Variants in LCORL observed in about 807,000 individuals in gnomAD.
The protein encoded by LCORL is ligand dependent nuclear receptor corepressor like.
A neutral mutation model predicts 141.8 loss-of-function variants in LCORL; 41 were observed. The observed-to-expected ratio is 0.29, with a 90% CI of 0.23 to 0.38. The LOEUF is 0.38. LCORL is among the 10% of genes least tolerant of loss of function. LCORL has a pLI of 1.00. For synonymous variants in LCORL, 618 were observed against 694.1 expected (o/e 0.89, Z 1.72); for missense variants, 1,759 against 2,035.0 (o/e 0.86, Z 2.61).
At chr4:17,892,342 G>A (rs757183981) in intron 5 of LCORL, among the ~76,000 whole-genome samples, 9 of 151,454 alleles carry the variant, frequency 5.9e-5, no homozygotes, top group Non-Finnish European at 1.2e-4. Flanking sequence ...CCAAGTAGCT[G>A]GGATTACAGG....
At chr4:18,000,862 T>A (rs750698729) in intron 1 of LCORL, among the ~76,000 whole-genome samples, 2 of 152,192 alleles carry the variant, frequency 1.3e-5, no homozygotes, top group Non-Finnish European at 2.9e-5. Context: ...TTTTGTTCAC[T>A]GAGGTGTAAG....
chr4:17,931,719 TAATA>T (rs1481987827), intron 4 of LCORL, among the ~76,000 whole-genome samples: 1 of 152,130 alleles, frequency 6.6e-6, no homozygotes, highest in Non-Finnish European at 1.5e-5. Context: ...CTTTTTGACT[TAATA>T]TATAAAAATT....
intron 7 of LCORL, among the ~76,000 whole-genome samples, chr4:17,854,201 TCTTTCTAAG>T (rs755895717): frequency 1.2e-4 from 19 of 152,300 alleles, no homozygotes; most frequent in South Asian, 2.1e-4. Context: ...CATTTCTTAA[TCTTTCTAAG>T]CTTCAGTGAA....
At chr4:18,017,016 T>C (rs1425975553) in intron 1 of LCORL, among the ~76,000 whole-genome samples, 1 of 152,152 alleles carries the variant, frequency 6.6e-6, no homozygotes, top group Non-Finnish European at 1.5e-5. Context: ...AAGGAGCTCA[T>C]GCCACAGCTT....
intron 4 of LCORL, among the ~76,000 whole-genome samples, chr4:17,953,071 T>A (rs1461219014): frequency 1.3e-5 from 2 of 152,284 alleles, no homozygotes; most frequent in East Asian, 1.9e-4. Context: ...GCAAAGGACA[T>A]GATCTCATTC....
exon 2 of LCORL, chr4:17,972,864 C>A: frequency 1.4e-6 from 2 of 1,432,554 alleles, no homozygotes; most frequent in Non-Finnish European, 9.2e-7. Flanking sequence ...TCCATAAAGC[C>A]CTTCTAAAAT....
intron 6 of LCORL, chr4:17,881,111 T>C: frequency 2.0e-6 from 2 of 982,900 alleles, no homozygotes; most frequent in Non-Finnish European, 2.4e-6. Flanking sequence ...ACAACTTTAC[T>C]GAGCAGTAGT....
intron 1 of LCORL, among the ~76,000 whole-genome samples, chr4:17,974,174 T>C (rs540615166): frequency 3.3e-5 from 5 of 152,210 alleles, no homozygotes; most frequent in Non-Finnish European, 5.9e-5. Flanking sequence ...GCTTCAGAAA[T>C]ATTACTGCAC....
intron 1 of LCORL, among the ~76,000 whole-genome samples, chr4:18,016,487 A>AAG (rs1724657914): frequency 6.6e-6 from 1 of 152,164 alleles, no homozygotes; most frequent in Middle Eastern, 3.2e-3. Context: ...CATGGTAATC[A>AAG]AGAGTTGGCT....
intron 4 of LCORL, among the ~76,000 whole-genome samples, chr4:17,940,501 T>C (rs892185679): frequency 2.4e-5 from 3 of 125,280 alleles, no homozygotes; most frequent in Admixed American, 8.3e-5. Flanking sequence ...ATGTAATATA[T>C]GTAATACAGA....
At chr4:17,867,637 A>G (rs1199200210) in intron 7 of LCORL, among the ~76,000 whole-genome samples, 6 of 152,224 alleles carry the variant, frequency 3.9e-5, no homozygotes, top group Non-Finnish European at 1.5e-5. Context: ...CTTCTAGATA[A>G]ATTCCTTGAG....
At chr4:17,855,198 A>C (rs1388668837) in intron 7 of LCORL, among the ~76,000 whole-genome samples, 1 of 152,212 alleles carries the variant, frequency 6.6e-6, no homozygotes, top group Non-Finnish European at 1.5e-5. Flanking sequence ...CTGCACTGTT[A>C]TGCAACTTAG....
At chr4:17,963,406 T>C (rs530491465) in intron 2 of LCORL, among the ~76,000 whole-genome samples, 8 of 151,924 alleles carry the variant, frequency 5.3e-5, no homozygotes, top group Non-Finnish European at 1.0e-4. Flanking sequence ...GGGAGATATC[T>C]GGAGGAAATA....
At chr4:17,958,557 T>C (rs933229656) in intron 4 of LCORL, among the ~76,000 whole-genome samples, 1 of 152,016 alleles carries the variant, frequency 6.6e-6, no homozygotes, top group African/African-American at 2.4e-5. Flanking sequence ...ATTTTATATC[T>C]ATATGCCTAT....
At chr4:17,886,332 T>C (rs549177941) in intron 5 of LCORL, among the ~76,000 whole-genome samples, 171 bp from the exon 6 acceptor site, 2 of 152,110 alleles carry the variant, frequency 1.3e-5, no homozygotes. Context: ...GAAGGCACTA[T>C]ATAGGAAAAA....
At chr4:17,963,024 G>T in exon 3 of LCORL, 1 of 1,594,966 alleles carries the variant, frequency 6.3e-7, no homozygotes, top group Non-Finnish European at 8.5e-7. Context: ...CCATAGACCA[G>T]TCAGTCAGCT....
chr4:17,864,740 T>C (rs962353577), intron 7 of LCORL, among the ~76,000 whole-genome samples: 1 of 152,166 alleles, frequency 6.6e-6, no homozygotes, highest in African/African-American at 2.4e-5. Flanking sequence ...CTGTGTTGTT[T>C]AATAAAAGAG....
intron 1 of LCORL, among the ~76,000 whole-genome samples, chr4:17,987,316 T>C (rs1334142084): frequency 2.0e-5 from 3 of 152,210 alleles, no homozygotes; most frequent in African/African-American, 7.2e-5. Flanking sequence ...ATATCACATA[T>C]GCACTTTTGT....
At chr4:17,882,024 A>G in intron 6 of LCORL, 1 of 983,274 alleles carries the variant, frequency 1.0e-6, no homozygotes, top group Non-Finnish European at 1.2e-6. Flanking sequence ...TGCAGGTAAC[A>G]TTAATAGCTG....
Sources: allele counts gnomAD v4.1 joint callset (sites outside exome capture counted in the v4.1 genomes callset), GRCh38; gene constraint gnomAD v4.1.1; transcripts MANE v1.5; gene names NCBI Gene and HGNC (gene_info 2026-07-23, HGNC 2026-07-21).